SMOC1: variants seen among roughly 807,000 people sequenced by gnomAD.
The protein encoded by SMOC1 is SPARC related modular calcium binding 1.
SMOC1 carries 22 observed loss-of-function variants against 56.3 expected under a neutral mutation model. The ratio of observed to expected loss-of-function variants is 0.39; its 90% CI spans 0.28 to 0.56. SMOC1 has a LOEUF of 0.56. Ranked by LOEUF, SMOC1 falls within the 20% of genes least tolerant of loss-of-function variation. The pLI is 0.61. For synonymous variants in SMOC1, 193 were observed against 215.0 expected (o/e 0.90, Z 0.89); for missense variants, 509 against 565.4 (o/e 0.90, Z 1.01).
At chr14:69,905,067 G>A (rs1032836382) in intron 1 of SMOC1, among the ~76,000 whole-genome samples, 2 of 152,134 alleles carry the variant, frequency 1.3e-5, no homozygotes, top group African/African-American at 4.8e-5. Flanking sequence ...GACTCATATC[G>A]TGATGGTGGT....
intron 1 of SMOC1, among the ~76,000 whole-genome samples, chr14:69,915,025 C>T (rs955686862): frequency 6.6e-6 from 1 of 152,114 alleles, no homozygotes; most frequent in African/African-American, 2.4e-5. Context: ...CACCACCACG[C>T]CCGGCTAATT....
intron 1 of SMOC1, among the ~76,000 whole-genome samples, chr14:69,899,720 A>G (rs4528503): frequency 0.13 from 20,001 of 152,218 alleles, 1,768 homozygotes; most frequent in African/African-American, 0.26. Context: ...AAAATGTGGA[A>G]GTCCCCCTAA....
At chr14:69,985,368 A>G (rs749041464) in intron 5 of SMOC1, among the ~76,000 whole-genome samples, 2 of 152,218 alleles carry the variant, frequency 1.3e-5, no homozygotes, top group Non-Finnish European at 2.9e-5. Flanking sequence ...TACATATACC[A>G]TATAATCCAG....
Position 69,914,577 on chromosome 14 carries a change from GAAAC to G in SMOC1, c.99+34826_99+34829del, listed in dbSNP as rs35586375. Among the ~76,000 whole-genome samples, 86 of 151,276 alleles carry G rather than the reference GAAAC, an allele frequency of 5.7e-4. 1 individual carries two copies. The highest frequency in any genetic ancestry group is 3.4e-3 in the Middle Eastern group (1 of 294). ...AGAAGTGGGAGACACCAGTAGGAAGGAAACAAACAAACAAACAAACAAACAAACA... is the reference window on the plus strand; with the variant it reads ...AGAAGTGGGAGACACCAGTAGGAAGGAAACAAACAAACAAACAAACAAACA... On this transcript the variant is annotated intron_variant, in intron 1 of 11. Transcript: ENST00000361956.
chr14:69,882,838 T>A (rs1403490130), intron 1 of SMOC1, among the ~76,000 whole-genome samples: 2 of 152,224 alleles, frequency 1.3e-5, no homozygotes, highest in African/African-American at 2.4e-5. Context: ...CTGTCAAGAT[T>A]TACTTTGTTG....
intron 1 of SMOC1, among the ~76,000 whole-genome samples, chr14:69,937,312 T>C (rs1885320816): frequency 6.6e-6 from 1 of 152,196 alleles, no homozygotes; most frequent in Admixed American, 6.5e-5. Flanking sequence ...GTTATAAATG[T>C]CTGGACTAAT....
In SMOC1 at chr14:69,919,918, C is replaced by G. The variant is rs541533971; in HGVS notation, c.100-32220C>G. Among the ~76,000 whole-genome samples the G allele has an allele frequency of 2.1e-3, 320 of 149,870 alleles. 5 individuals are homozygous for G. The highest frequency in any genetic ancestry group is 7.2e-3 in the African/African-American group (296 of 40,962). On this transcript the variant is annotated intron_variant, in intron 1 of 11. Coordinates refer to ENST00000361956, the MANE Select transcript of SMOC1 (RefSeq NM_001034852.3). ...ATCCTATGAACACAAATACCCCCCC[C>G]CCCCTTTCTCCCCTGGAGTAGGGAT...
chr14:69,905,341 A>G (rs1884379222), intron 1 of SMOC1, among the ~76,000 whole-genome samples: 2 of 152,162 alleles, frequency 1.3e-5, no homozygotes, highest in Non-Finnish European at 2.9e-5. Flanking sequence ...TATGTTCTAG[A>G]GACTGCAAGA....
At chr14:69,962,847 G>A (rs569943328) in intron 3 of SMOC1, among the ~76,000 whole-genome samples, 3 of 152,286 alleles carry the variant, frequency 2.0e-5, no homozygotes, top group African/African-American at 7.2e-5. Context: ...AAAGTGCTGG[G>A]ATTACAGGCG....
rs79698799 is a variant in SMOC1 at position 70,005,148 on chromosome 14, T to A, written c.665-5606T>A. On this transcript the variant is annotated intron_variant, in intron 7 of 11. Coordinates refer to ENST00000361956, the MANE Select transcript of SMOC1 (RefSeq NM_001034852.3). ...AAACTCAAATCTTGTAATGTTTATG[T>A]TTTTTGGCCATTTTTGCTTTAAACA... Among the ~76,000 whole-genome samples the A allele has an allele frequency of 9.8e-3, 1,494 of 152,348 alleles. 8 individuals carry two copies. Among genetic ancestry groups the A allele is most frequent in the Non-Finnish European group, 0.016 (1,105 of 68,040 alleles).
At chr14:69,973,385 G>A (rs1286105522) in intron 3 of SMOC1, among the ~76,000 whole-genome samples, 1 of 152,254 alleles carries the variant, frequency 6.6e-6, no homozygotes, top group African/African-American at 2.4e-5. Flanking sequence ...GGCTCAAAGA[G>A]CTGAGCGATG....
chr14:69,913,049 A>T (rs1884594791), intron 1 of SMOC1, among the ~76,000 whole-genome samples: 1 of 152,242 alleles, frequency 6.6e-6, no homozygotes, highest in Non-Finnish European at 1.5e-5. Context: ...GACACAGATC[A>T]TGCACAGTTT....
chr14:69,994,110 C>T (rs1884676012), intron 6 of SMOC1: 1 of 469,154 alleles, frequency 2.1e-6, no homozygotes, highest in Non-Finnish European at 3.9e-6. Context: ...GCCCATGTTC[C>T]TTACCTCCTG....
rs80262145 is a variant in SMOC1 at position 70,031,858 on chromosome 14, A to G, written c.*1600A>G. ...GTCCCCTCCTCAGATCACCCTTGCA[A>G]ATCTGGCCTCATCTTGTATTCCAAC... On this transcript the variant is annotated 3_prime_UTR_variant, in exon 12 of 12. Transcript: ENST00000361956. 1 of 152,410 alleles carries G rather than the reference A, an allele frequency of 6.6e-6. No homozygotes were observed. The highest frequency in any genetic ancestry group is 1.5e-5 in the Non-Finnish European group (1 of 68,200). The allele number at this position is 152,410 out of a possible 1,614,324, so 9.4% of individuals were successfully genotyped here.
intron 1 of SMOC1, among the ~76,000 whole-genome samples, chr14:69,944,430 G>A (rs1215621005): frequency 6.6e-6 from 1 of 152,194 alleles, no homozygotes; most frequent in Non-Finnish European, 1.5e-5. Flanking sequence ...CCACCCAGCA[G>A]GCATACATGT....
intron 1 of SMOC1, among the ~76,000 whole-genome samples, chr14:69,938,421 G>A (rs910763077): frequency 5.9e-5 from 9 of 152,176 alleles, no homozygotes; most frequent in Admixed American, 1.3e-4. Context: ...AAAACGAATA[G>A]CAGCAACACC....
In SMOC1 at chr14:69,977,950, A is replaced by G. The variant is rs1884028699; in HGVS notation, c.511A>G (p.Asn171Asp). The G allele has an allele frequency of 6.2e-7, 1 of 1,613,904 alleles. No homozygotes were observed. The highest frequency in any genetic ancestry group is 1.7e-5 in the Admixed American group (1 of 59,998). The change falls in exon 5 of 12, where the codon AAC becomes GAC. Residue 171 changes from asparagine (N) to aspartate (D), a missense_variant. By Grantham distance (23) the Asn-to-Asp change is conservative. Around this residue, in one of 3 missense-constraint regions of SMOC1, gnomAD observed 315 missense variants for 333.1 expected, o/e 0.95. Coordinates refer to ENST00000361956, the MANE Select transcript of SMOC1 (RefSeq NM_001034852.3). The stretch of plus-strand genomic sequence containing the variant: ...CACCGACAAGCCCTTGAGCCAGGGT[A>G]ACTCAGGAAGGAAAGGTGAGTGGAG... ...SVTDKPLSQG[N>D]SGRKDDGSKP... is the part of the protein sequence containing the mutation.
At chr14:69,964,491 C>A (rs1566690832) in intron 3 of SMOC1, among the ~76,000 whole-genome samples, 1 of 151,848 alleles carries the variant, frequency 6.6e-6, no homozygotes, top group Non-Finnish European at 1.5e-5. Flanking sequence ...CATTCTCCTG[C>A]CTCAGCCTCC....
chr14:69,915,626 A>G (rs1884666743), intron 1 of SMOC1, among the ~76,000 whole-genome samples: 1 of 151,836 alleles, frequency 6.6e-6, no homozygotes, highest in African/African-American at 2.4e-5. Context: ...TTGAACTTAC[A>G]CCTCTCAGGC....
Sources: gnomAD v4.1 joint callset for allele counts (sites outside exome capture counted in the v4.1 genomes callset) on GRCh38, gnomAD v4.1.1 for gene constraint, gnomAD v4.1.1 regional missense constraint, MANE v1.5 for transcripts, NCBI Gene and HGNC (gene_info 2026-07-23, HGNC 2026-07-21) for gene names.